ABCA10: variants seen among roughly 807,000 people sequenced by gnomAD.
ABCA10 encodes ATP binding cassette subfamily A member 10.
Under a neutral mutation model 187.5 loss-of-function variants are expected in ABCA10, and 169 were observed. The observed-to-expected ratio is 0.90, with a 90% confidence interval of 0.80 to 1.02. The LOEUF (loss-of-function observed/expected upper bound fraction) is 1.02, where lower values mean the gene tolerates loss of function less well. ABCA10 is among the 50% of genes least tolerant of loss of function. ABCA10 has a pLI of 0.00. For synonymous variants in ABCA10, 574 were observed against 601.8 expected, an observed-to-expected ratio of 0.95 and a Z score of 0.68; for missense variants, 1,727 against 1,812.4, an observed-to-expected ratio of 0.95 and a Z score of 0.86.
rs1329145585 is a variant in ABCA10 at position 69,155,938 on chromosome 17, T to A, written c.3456-13A>T. On this transcript the variant is annotated splice_polypyrimidine_tract_variant and intron_variant, in intron 28 of 38. Transcript: ENST00000690296. ...CCGTGGAGAGATTCTACAGAGGAAATAAAATAACATAAAAATGCAATTTTG... is the reference window on the plus strand; with the variant it reads ...CCGTGGAGAGATTCTACAGAGGAAAAAAAATAACATAAAAATGCAATTTTG... The A allele has an allele frequency of 2.5e-6, 4 of 1,604,164 alleles. No homozygotes were observed. The highest frequency in any genetic ancestry group is 3.4e-6 in the Non-Finnish European group (4 of 1,176,180).
At chr17:69,169,588 T>C (rs2074281263) in intron 25 of ABCA10, among the ~76,000 whole-genome samples, 1 of 152,214 alleles carries the variant, frequency 6.6e-6, no homozygotes, top group Admixed American at 6.5e-5. Flanking sequence ...TGGGAAGGTT[T>C]GCTCTCTCAA....
intron 27 of ABCA10, among the ~76,000 whole-genome samples, chr17:69,162,984 C>T (rs571080085): frequency 6.6e-6 from 1 of 152,026 alleles, no homozygotes; most frequent in South Asian, 2.1e-4. Context: ...ATTACAGGCA[C>T]ATGCCAGCAC....
intron 9 of ABCA10, among the ~76,000 whole-genome samples, chr17:69,204,100 C>A (rs908995589): frequency 1.3e-5 from 2 of 152,164 alleles, no homozygotes; most frequent in Non-Finnish European, 2.9e-5. Context: ...TAATTGGAGA[C>A]AAGCCTCAGA....
Position 69,194,430 on chromosome 17 carries a change from A to G in ABCA10, c.1300T>C (p.Ser434Pro), listed in dbSNP as rs761176136. 3 of 1,613,154 alleles carry G rather than the reference A, an allele frequency of 1.9e-6. No individual in the cohort carries two copies. The South Asian group carries it at 3.3e-5, about 18-fold the overall frequency. The part of the protein sequence containing the change: ...AILGHNGAGK[S>P]TLLNILSGLS... Reference sequence around the variant, plus strand: ...CCACTAAGAATGTTTAGCAGTGTTGATTTACCAGCTCCATTATGCCCAAGT... The same window carrying G: ...CCACTAAGAATGTTTAGCAGTGTTGGTTTACCAGCTCCATTATGCCCAAGT... The change falls in exon 12 of 39, where the codon TCA (serine) becomes CCA (proline). Residue 434 changes from serine (S) to proline (P), a missense_variant. Ser to Pro is a moderately conservative substitution (Grantham distance 74, BLOSUM62 -1). Coordinates refer to ENST00000690296, the MANE Select transcript of ABCA10 (RefSeq NM_001377321.1).
upstream of ABCA10, among the ~76,000 whole-genome samples, chr17:69,230,849 TTTTTA>T (rs1335828818): frequency 6.6e-6 from 1 of 152,146 alleles, no homozygotes; most frequent in Non-Finnish European, 1.5e-5. Context: ...TGGTTATCTC[TTTTTA>T]TTTTATTGTT....
At chr17:69,162,830 T>C (rs555836471) in intron 27 of ABCA10, among the ~76,000 whole-genome samples, 55 of 65,180 alleles carry the variant, frequency 8.4e-4, no homozygotes, top group Middle Eastern at 8.5e-3. Flanking sequence ...CATATACATA[T>C]ACATATACAT....
At chr17:69,211,881 G>A (rs2144833715) in intron 9 of ABCA10, among the ~76,000 whole-genome samples, 1 of 152,012 alleles carries the variant, frequency 6.6e-6, no homozygotes, top group South Asian at 2.1e-4. Context: ...TCTTTTCTTG[G>A]TGAATCTTGC....
chr17:69,208,353 G>C (rs146217103), intron 9 of ABCA10, among the ~76,000 whole-genome samples: 2,817 of 149,850 alleles, frequency 0.019, 88 homozygotes, highest in African/African-American at 0.066. Context: ...GGGATGTGGA[G>C]CTTGCAGCGA....
chr17:69,241,005 T>C (rs966554735), intron 1 of ABCA10, among the ~76,000 whole-genome samples: 1 of 152,200 alleles, frequency 6.6e-6, no homozygotes, highest in Admixed American at 6.5e-5. Context: ...GCTCCCAGTA[T>C]TTATTTCCTT....
intron 20 of ABCA10, among the ~76,000 whole-genome samples, chr17:69,183,192 T>C (rs1241721536): frequency 6.6e-6 from 1 of 152,212 alleles, no homozygotes; most frequent in Non-Finnish European, 1.5e-5. Flanking sequence ...ATATACCTCA[T>C]GACCCAGGCT....
At chr17:69,156,612 T>C (rs980387218) in intron 28 of ABCA10, among the ~76,000 whole-genome samples, 2 of 152,110 alleles carry the variant, frequency 1.3e-5, no homozygotes, top group East Asian at 3.8e-4. Flanking sequence ...CTGAGCAATA[T>C]AGCAAGATCC....
intron 26 of ABCA10, 145 bp from the exon 27 acceptor site, chr17:69,164,299 T>C (rs2074240192): frequency 4.9e-6 from 3 of 617,120 alleles, no homozygotes; most frequent in Non-Finnish European, 8.0e-6. Flanking sequence ...TGTTTTCTGA[T>C]GCTAAAGTCT....
chr17:69,154,277 G>A lies in ABCA10; in HGVS notation c.3744C>T (p.Ser1248=), dbSNP rs1178572367. ...TTGTGCACCCAGTTATCATTTTAAT[G>A]GAAGTACTTTTACCAGCTCCATTGT... The part of the protein sequence containing the change: ...LGHNGAGKST[S]IKMITGCTKP... The change falls in exon 31 of 39, where the codon TCC becomes TCT. Residue 1248 remains serine (S), a synonymous_variant. Coordinates refer to ENST00000690296, the MANE Select transcript of ABCA10 (RefSeq NM_001377321.1). 1.2e-6 allele frequency: 2 copies of A among 1,612,592 alleles called. No individual in the cohort carries two copies. The highest frequency in any genetic ancestry group is 2.7e-5 in the African/African-American group (2 of 74,800).
intron 10 of ABCA10, 76 bp from the exon 11 acceptor site, chr17:69,197,198 G>A: frequency 1.7e-6 from 2 of 1,183,104 alleles, no homozygotes; most frequent in Middle Eastern, 3.9e-4. Flanking sequence ...TCATAACTAA[G>A]CCTGAACTTC....
chr17:69,210,166 A>ATTTTTT (rs1322948427), intron 9 of ABCA10, among the ~76,000 whole-genome samples: 1 of 56,226 alleles, frequency 1.8e-5, no homozygotes, highest in African/African-American at 7.0e-5. Context: ...TTTAGTGGTT[A>ATTTTTT]TTTCTTTTTT....
chr17:69,181,625 T>C (rs1311765418), intron 22 of ABCA10, among the ~76,000 whole-genome samples: 1 of 152,020 alleles, frequency 6.6e-6, no homozygotes, highest in African/African-American at 2.4e-5. Flanking sequence ...TAAATAATTA[T>C]ATATTTAAAT....
rs57227408 is a variant in ABCA10 at position 69,210,847 on chromosome 17, C to CATATATATATATATATATATATATATAT, written c.1006+3856_1006+3857insATATATATATATATATATATATATATAT. ...ATATATATGCCACATATTTATGCCA[C>CATATATATATATATATATATATATATAT]ATATATATATATATATATGCCATAT... On this transcript the variant is annotated intron_variant, in intron 9 of 38. Coordinates refer to ENST00000690296, the MANE Select transcript of ABCA10 (RefSeq NM_001377321.1). Among the ~76,000 whole-genome samples, 316 of 37,602 alleles carry CATATATATATATATATATATATATATAT rather than the reference C, an allele frequency of 8.4e-3. 5 individuals are homozygous for CATATATATATATATATATATATATATAT. Among genetic ancestry groups the CATATATATATATATATATATATATATAT allele is most frequent in the Admixed American group, 0.017 (59 of 3,464 alleles). 24.7% of individuals were successfully genotyped at this position (37,602 alleles called of 152,430 possible). A position where few individuals can be genotyped will look rare whatever the true frequency, so the allele number is the denominator to read the frequency against.
intron 1 of ABCA10, among the ~76,000 whole-genome samples, chr17:69,242,237 G>T (rs1333478816): frequency 6.6e-6 from 1 of 152,086 alleles, no homozygotes; most frequent in Non-Finnish European, 1.5e-5. Context: ...TTTGGCCAAA[G>T]AAATTACTAG....
chr17:69,219,651 C>G lies in ABCA10; in HGVS notation c.424G>C (p.Val142Leu). The change falls in exon 6 of 39, where the codon GTT becomes CTT. Residue 142 changes from valine to leucine, a missense_variant. Transcript: ENST00000690296. ...MNEWFHFTCLVSFSSFIYFAS... is the reference protein window; with the variant it reads ...MNEWFHFTCLLSFSSFIYFAS... ...AAGTATATAAAAGAAGAGAAAGAAA[C>G]TAAGCAAGTAAAATGAAACCATTCA... is the stretch of plus-strand genomic sequence containing the variant. 1 of 1,611,076 alleles carries G rather than the reference C, an allele frequency of 6.2e-7. No homozygotes were observed. Among genetic ancestry groups the G allele is most frequent in the Non-Finnish European group, 8.5e-7 (1 of 1,178,616 alleles).
Sources: gnomAD v4.1 joint callset for allele counts (sites outside exome capture counted in the v4.1 genomes callset) on GRCh38, gnomAD v4.1.1 for gene constraint, MANE v1.5 for transcripts, NCBI Gene and HGNC (gene_info 2026-07-23, HGNC 2026-07-21) for gene names.